CRYBG1: variants seen among roughly 807,000 people sequenced by gnomAD.
The protein encoded by CRYBG1 is beta/gamma crystallin domain-containing protein 1.
Under a neutral mutation model 189.2 loss-of-function variants are expected in CRYBG1, and 139 were observed. The ratio of observed to expected loss-of-function variants is 0.73; its 90% CI spans 0.64 to 0.85. The LOEUF (loss-of-function observed/expected upper bound fraction) is 0.85. CRYBG1 is among the 40% of genes least tolerant of loss of function. The pLI, the probability that CRYBG1 is intolerant of heterozygous loss-of-function variation, is 0.00. For missense variants in CRYBG1, 2,611 were observed against 2,675.8 expected, an observed-to-expected ratio of 0.98 and a Z score of 0.53; for synonymous variants, 1,023 against 1,017.1, an observed-to-expected ratio of 1.01 and a Z score of -0.11.
intron 17 of CRYBG1, among the ~76,000 whole-genome samples, chr6:106,556,917 A>T (rs1774563741): frequency 1.3e-5 from 2 of 152,186 alleles, no homozygotes; most frequent in African/African-American, 4.8e-5. Context: ...TTCTGCCTAG[A>T]ATTCTAAAAG....
chr6:106,361,143 C>G, intron 1 of CRYBG1, 62 bp downstream of exon 1: 2 of 1,496,266 alleles, frequency 1.3e-6, no homozygotes, highest in Non-Finnish European at 1.8e-6. Flanking sequence ...TCCTGCTGCG[C>G]TAGCCCTTGG....
intron 2 of CRYBG1, among the ~76,000 whole-genome samples, chr6:106,493,901 A>C (rs544127066): frequency 9.2e-5 from 14 of 152,294 alleles, no homozygotes; most frequent in Non-Finnish European, 2.1e-4. Flanking sequence ...CCACCATGGC[A>C]TACGTTTACC....
chr6:106,455,296 C>T (rs1402461615), intron 2 of CRYBG1, among the ~76,000 whole-genome samples: 1 of 151,822 alleles, frequency 6.6e-6, no homozygotes, highest in Non-Finnish European at 1.5e-5. Flanking sequence ...AATTGGATAA[C>T]TCTTTGCATA....
At chr6:106,503,750 C>T (rs1200429436) in intron 2 of CRYBG1, among the ~76,000 whole-genome samples, 1 of 152,130 alleles carries the variant, frequency 6.6e-6, no homozygotes, top group Non-Finnish European at 1.5e-5. Flanking sequence ...AATTAGGTTT[C>T]ACTTTGTCTC....
rs1157673557 is a variant in CRYBG1, at chr6:106,551,899, T to C, written c.5360T>C (p.Leu1787Pro). 1 of 1,611,716 alleles carries C rather than the reference T, an allele frequency of 6.2e-7. No individual in the cohort carries two copies. Among genetic ancestry groups the C allele is most frequent in the East Asian group, 2.2e-5 (1 of 44,766 alleles). Residue 1787 changes from leucine (L) to proline (P), a missense_variant, in exon 14 of 22, where the codon CTG becomes CCG. By Grantham distance (98) the Leu-to-Pro change is moderately conservative (BLOSUM62 -3). Around this residue, in one of 3 missense-constraint regions of CRYBG1, gnomAD observed 1,622 missense variants for 1,735.0 expected, o/e 0.93. Transcript: ENST00000633556. ...GACTTCACAGGAGAACAGTATATAC[T>C]GGATAAAGGATTTTATACCAGTTTT... ...NPDFTGEQYI[L>P]DKGFYTSFED...
At chr6:106,453,438 G>A (rs1040580843) in intron 2 of CRYBG1, among the ~76,000 whole-genome samples, 4 of 151,988 alleles carry the variant, frequency 2.6e-5, no homozygotes, top group East Asian at 1.9e-4. Flanking sequence ...CTGGCTTACC[G>A]TACTTTATAC....
chr6:106,441,243 G>A (rs988947925), intron 1 of CRYBG1, among the ~76,000 whole-genome samples: 1 of 152,204 alleles, frequency 6.6e-6, no homozygotes, highest in African/African-American at 2.4e-5. Flanking sequence ...GGGAGAAGGA[G>A]GTTAGAGTGG....
At position 106,563,882 on chromosome 6, in the gene CRYBG1, G is replaced by C. The variant is rs939654193; in HGVS notation, c.6257G>C (p.Arg2086Thr). Residue 2086 changes from arginine (R) to threonine (T), a missense_variant, in exon 21 of 22, where the codon AGG becomes ACG. Arg to Thr is a moderately conservative substitution (Grantham distance 71, BLOSUM62 -1). Coordinates refer to ENST00000633556, the MANE Select transcript of CRYBG1 (RefSeq NM_001371242.2). ...TTCTGGAGCTTGAAGTCCGATGGCA[G>C]GATTTACAGCAAGTTGAAGCCAAAT... is the stretch of plus-strand genomic sequence containing the variant. ...SQFWSLKSDG[R>T]IYSKLKPNLV... 13 of 1,613,310 alleles carry C rather than the reference G, an allele frequency of 8.1e-6. No individual in the cohort carries two copies. Among genetic ancestry groups the C allele is most frequent in the Non-Finnish European group, 6.8e-6 (8 of 1,179,396 alleles).
At chr6:106,470,567 A>G (rs143089868) in intron 2 of CRYBG1, among the ~76,000 whole-genome samples, 1 of 152,040 alleles carries the variant, frequency 6.6e-6, no homozygotes, top group Non-Finnish European at 1.5e-5. Flanking sequence ...GCAAGGCTTC[A>G]TCTCAAAAAA....
chr6:106,521,821 C>T lies in CRYBG1; in HGVS notation c.4245+368C>T, dbSNP rs544663365. On this transcript the variant is annotated intron_variant, in intron 4 of 21. Transcript: ENST00000633556. ...GCAACCTCCACCTCCTGGGTTCAAG[C>T]GATTCTTCTGCCTCGGCTTCCCTAG... Among the ~76,000 whole-genome samples the T allele has an allele frequency of 7.5e-4, 108 of 143,514 alleles. 1 individual carries two copies. The highest frequency in any genetic ancestry group is 6.4e-3 in the South Asian group (29 of 4,536). The allele number at this position is 143,514 out of a possible 152,430, so 94.2% of individuals were successfully genotyped here.
chr6:106,473,952 A>G (rs1009957586), intron 2 of CRYBG1, among the ~76,000 whole-genome samples: 1 of 152,240 alleles, frequency 6.6e-6, no homozygotes, highest in African/African-American at 2.4e-5. Context: ...ACATATGATT[A>G]TGTCTTTATA....
intron 2 of CRYBG1, among the ~76,000 whole-genome samples, chr6:106,500,899 A>G (rs1255341482): frequency 2.0e-5 from 3 of 152,196 alleles, no homozygotes; most frequent in Non-Finnish European, 4.4e-5. Context: ...CTTTGTTTCT[A>G]TCTGAAAGTT....
At chr6:106,425,349 A>G (rs1408690399) in intron 1 of CRYBG1, among the ~76,000 whole-genome samples, 2 of 151,910 alleles carry the variant, frequency 1.3e-5, no homozygotes, top group Non-Finnish European at 2.9e-5. Flanking sequence ...CCTCCGCCAC[A>G]CTCACTGTTA....
chr6:106,504,651 T>A (rs1562092448), intron 2 of CRYBG1, among the ~76,000 whole-genome samples: 1 of 151,732 alleles, frequency 6.6e-6, no homozygotes, highest in African/African-American at 2.4e-5. Context: ...GTGTGTGTGT[T>A]TGTGTGTGTG....
chr6:106,512,554 C>G lies in CRYBG1; in HGVS notation c.1437C>G (p.Ala479=). ...GGGCAGCCCTCGACGGGGGCGTTGC[C>G]TCCGCTGCGAGCCCAGAGTCCAAGC... ...SPRAALDGGV[A]SAASPESKPS... The change falls in exon 3 of 22, where the codon GCC becomes GCG. Residue 479 remains alanine, a synonymous_variant. Coordinates refer to ENST00000633556, the MANE Select transcript of CRYBG1 (RefSeq NM_001371242.2). The G allele has an allele frequency of 6.2e-7, 1 of 1,607,550 alleles. No individual in the cohort carries two copies. Among genetic ancestry groups the G allele is most frequent in the Non-Finnish European group, 8.5e-7 (1 of 1,177,440 alleles).
At chr6:106,453,624 T>G (rs951736148) in intron 2 of CRYBG1, among the ~76,000 whole-genome samples, 2 of 152,248 alleles carry the variant, frequency 1.3e-5, no homozygotes, top group African/African-American at 2.4e-5. Context: ...AAAATAATTA[T>G]TTGAGCATAA....
chr6:106,481,115 A>G, intron 2 of CRYBG1, among the ~76,000 whole-genome samples: 1 of 102,458 alleles, frequency 9.8e-6, no homozygotes, highest in South Asian at 3.0e-4. Context: ...CTGGGACTAC[A>G]GGCGCCCGCC....
intron 13 of CRYBG1, among the ~76,000 whole-genome samples, chr6:106,548,723 C>T (rs1018417554): frequency 6.6e-5 from 10 of 151,636 alleles, no homozygotes; most frequent in Admixed American, 1.3e-4. Flanking sequence ...GTGTTTGTAA[C>T]GTAGATTTTC....
At chr6:106,552,034 T>C (rs949407274) in intron 14 of CRYBG1, 56 bp downstream of exon 14, 20 of 1,506,084 alleles carry the variant, frequency 1.3e-5, no homozygotes, top group South Asian at 2.4e-5. Context: ...ATTTCCTTAA[T>C]GTGTGTTCCT....
Sources: allele counts gnomAD v4.1 joint callset (sites outside exome capture counted in the v4.1 genomes callset), GRCh38; gene constraint gnomAD v4.1.1; regional missense constraint gnomAD v4.1.1; transcripts MANE v1.5; gene names NCBI Gene and HGNC (gene_info 2026-07-23, HGNC 2026-07-21).